The following ARL8B variants were observed in gnomAD, a reference collection of about 807,000 sequenced individuals.
The protein encoded by ARL8B is ARF like GTPase 8B.
In ARL8B, 9 loss-of-function variants were observed where a neutral mutation model predicts 30.6. That is an observed-to-expected ratio of 0.29 (90% CI 0.18 to 0.51). The LOEUF (loss-of-function observed/expected upper bound fraction) is 0.51, where lower values mean the gene tolerates loss of function less well. ARL8B is among the 20% of genes least tolerant of loss of function. The pLI is 0.97. For missense variants in ARL8B, 130 were observed against 227.2 expected (o/e 0.57, Z 2.75); for synonymous variants, 74 against 76.0 (o/e 0.97, Z 0.14).
rs575092708 is a variant in ARL8B, at chr3:5,145,045, G to A, written c.123+22457G>A. On this transcript the variant is annotated intron_variant, in intron 1 of 6. Transcript: ENST00000256496. ...TAGGTAATCTACCTTTCTCACATAA[G>A]GAGTGTTTATTTCCATCAGTGATAG... Among the ~76,000 whole-genome samples, 3 of 152,050 alleles carry A rather than the reference G, an allele frequency of 2.0e-5. No homozygotes were observed. The South Asian group carries it at 6.2e-4, about 32-fold the overall frequency.
intron 1 of ARL8B, among the ~76,000 whole-genome samples, chr3:5,151,240 G>T (rs2054480436): frequency 6.6e-6 from 1 of 151,922 alleles, no homozygotes; most frequent in Non-Finnish European, 1.5e-5. Flanking sequence ...TTTCTTAAAT[G>T]GGGGGCTTAG....
At chr3:5,146,895 G>A (rs1035157025) in intron 1 of ARL8B, among the ~76,000 whole-genome samples, 1 of 152,092 alleles carries the variant, frequency 6.6e-6, no homozygotes, top group South Asian at 2.1e-4. Context: ...AACCAAAAAT[G>A]TCCCTTCTTT....
At chr3:5,166,651 T>C (rs1433994464) in intron 1 of ARL8B, among the ~76,000 whole-genome samples, 1 of 152,166 alleles carries the variant, frequency 6.6e-6, no homozygotes, top group Non-Finnish European at 1.5e-5. Context: ...TTAAGATATC[T>C]TTAGTAAAGT....
intron 1 of ARL8B, among the ~76,000 whole-genome samples, chr3:5,169,824 A>T (rs1416983204): frequency 1.3e-5 from 2 of 152,180 alleles, no homozygotes; most frequent in African/African-American, 4.8e-5. Flanking sequence ...CTGTGTTAAC[A>T]TTTTTTCTGA....
intron 1 of ARL8B, among the ~76,000 whole-genome samples, chr3:5,145,470 G>A (rs539299617): frequency 2.6e-5 from 4 of 152,112 alleles, no homozygotes; most frequent in South Asian, 4.1e-4. Context: ...GTACACATTC[G>A]GGCCACCCGA....
At position 5,150,856 on chromosome 3, in the gene ARL8B, T is replaced by C. The variant is rs189593395; in HGVS notation, c.124-19647T>C. Among the ~76,000 whole-genome samples, 427 of 152,342 alleles carry C rather than the reference T, an allele frequency of 2.8e-3. 2 individuals carry two copies. The highest frequency in any genetic ancestry group is 9.5e-3 in the African/African-American group (394 of 41,582). On this transcript the variant is annotated intron_variant, in intron 1 of 6. Transcript: ENST00000256496. ...ATAATTCTAGTCCCGGGATTTCTTTTTAAGAAGCTTTGAAGTTAGTGATTC... is the reference window on the plus strand; with the variant it reads ...ATAATTCTAGTCCCGGGATTTCTTTCTAAGAAGCTTTGAAGTTAGTGATTC...
chr3:5,135,141 G>C (rs546346226), intron 1 of ARL8B, among the ~76,000 whole-genome samples: 79 of 152,134 alleles, frequency 5.2e-4, no homozygotes, highest in African/African-American at 1.8e-3. Flanking sequence ...GAGCCACTGC[G>C]CCTGGCCTAC....
chr3:5,148,399 C>A (rs895772283), intron 1 of ARL8B, among the ~76,000 whole-genome samples: 1 of 152,130 alleles, frequency 6.6e-6, no homozygotes, highest in Non-Finnish European at 1.5e-5. Context: ...TAATTCTTTT[C>A]TTAAATTTGG....
chr3:5,122,644 C>CGCTTCTCCAAG, intron 1 of ARL8B, 56 bp downstream of exon 1: 1 of 1,551,598 alleles, frequency 6.4e-7, no homozygotes, highest in Non-Finnish European at 8.7e-7. Flanking sequence ...TCCGGCCCGG[C>CGCTTCTCCAAG]GCTTCTCCAA....
intron 1 of ARL8B, among the ~76,000 whole-genome samples, chr3:5,161,530 AAAG>A (rs1260827759): frequency 1.3e-5 from 2 of 152,192 alleles, no homozygotes; most frequent in African/African-American, 4.8e-5. Context: ...CGGGAGCAGG[AAAG>A]AAGAAAAGAA....
chr3:5,168,139 G>A (rs966805336), intron 1 of ARL8B, among the ~76,000 whole-genome samples: 1 of 151,956 alleles, frequency 6.6e-6, no homozygotes, highest in Non-Finnish European at 1.5e-5. Context: ...AAGTCATATC[G>A]TTCTTAAGAT....
intron 6 of ARL8B, 132 bp from the exon 7 acceptor site, chr3:5,178,532 T>C: frequency 1.4e-6 from 1 of 722,608 alleles, no homozygotes; most frequent in Non-Finnish European, 2.2e-6. Context: ...TGGAGTATGG[T>C]AATGCAGATG....
At chr3:5,171,728 T>C (rs1402312060) in intron 2 of ARL8B, among the ~76,000 whole-genome samples, 12 of 152,240 alleles carry the variant, frequency 7.9e-5, no homozygotes, top group Non-Finnish European at 1.5e-5. Context: ...GGTTAGGCAT[T>C]AATGTAGAAC....
intron 1 of ARL8B, among the ~76,000 whole-genome samples, chr3:5,136,785 C>T (rs1357497780): frequency 6.6e-6 from 1 of 152,036 alleles, no homozygotes; most frequent in Admixed American, 6.6e-5. Context: ...CCCAAGATAC[C>T]AATTGATTTT....
intron 1 of ARL8B, among the ~76,000 whole-genome samples, chr3:5,133,346 A>G (rs2054299423): frequency 1.3e-5 from 2 of 152,220 alleles, no homozygotes; most frequent in African/African-American, 4.8e-5. Flanking sequence ...GCAGCAATAT[A>G]GAGACCATCC....
Position 5,158,619 on chromosome 3 carries a change from C to T in ARL8B, c.124-11884C>T, listed in dbSNP as rs934895025. On this transcript the variant is annotated intron_variant, in intron 1 of 6. Transcript: ENST00000256496. Reference sequence around the variant, plus strand: ...ACCTAGTGTGACTGTCTCCAGGGTCCGTTATAACCACCAGAATAACACTGC... The same window carrying T: ...ACCTAGTGTGACTGTCTCCAGGGTCTGTTATAACCACCAGAATAACACTGC... 1.1e-4 allele frequency among the ~76,000 whole-genome samples: 17 copies of T among 152,016 alleles called. 1 individual carries two copies. The highest frequency in any genetic ancestry group is 7.9e-4 in the Admixed American group (12 of 15,264).
intron 1 of ARL8B, among the ~76,000 whole-genome samples, chr3:5,133,331 A>T (rs1037886853): frequency 6.6e-6 from 1 of 152,212 alleles, no homozygotes; most frequent in Non-Finnish European, 1.5e-5. Flanking sequence ...CGAAGGATTA[A>T]TTTAGCAGCA....
intron 1 of ARL8B, among the ~76,000 whole-genome samples, chr3:5,161,590 TAGG>T (rs924451157): frequency 6.6e-6 from 1 of 152,172 alleles, no homozygotes; most frequent in African/African-American, 2.4e-5. Flanking sequence ...TATAGGCACT[TAGG>T]AGAAGTGGCA....
intron 1 of ARL8B, among the ~76,000 whole-genome samples, chr3:5,165,983 C>G (rs564754958): frequency 2.6e-5 from 4 of 152,130 alleles, no homozygotes; most frequent in African/African-American, 9.6e-5. Flanking sequence ...GGTATATTAA[C>G]CTGTTTACAA....
Sources: gnomAD v4.1 joint callset for allele counts (sites outside exome capture counted in the v4.1 genomes callset) on GRCh38, gnomAD v4.1.1 for gene constraint, MANE v1.5 for transcripts, NCBI Gene and HGNC (gene_info 2026-07-23, HGNC 2026-07-21) for gene names.